Variants in ZFPM2 observed in about 807,000 individuals in gnomAD.
The protein encoded by ZFPM2 is zinc finger protein ZFPM2.
Under a neutral mutation model 98.6 loss-of-function variants are expected in ZFPM2, and 20 were observed. The ratio of observed to expected loss-of-function variants is 0.20; its 90% CI spans 0.14 to 0.29. The LOEUF (loss-of-function observed/expected upper bound fraction) is 0.29, where lower values mean the gene tolerates loss of function less well. Ranked by LOEUF, ZFPM2 falls within the 10% of genes least tolerant of loss-of-function variation. ZFPM2 has a pLI of 1.00. For missense variants in ZFPM2, 1,310 were observed against 1,388.6 expected (o/e 0.94, Z 0.90); for synonymous variants, 518 against 502.7 (o/e 1.03, Z -0.41).
At chr8:105,554,887 C>T (rs1334124942) in intron 3 of ZFPM2, among the ~76,000 whole-genome samples, 2 of 152,040 alleles carry the variant, frequency 1.3e-5, no homozygotes, top group Non-Finnish European at 2.9e-5. Flanking sequence ...CCTTTGCTTT[C>T]TAAAGAGGCA....
chr8:105,422,323 G>C (rs1247935813), intron 2 of ZFPM2, among the ~76,000 whole-genome samples: 1 of 152,014 alleles, frequency 6.6e-6, no homozygotes, highest in Non-Finnish European at 1.5e-5. Context: ...TGTAGTCCCA[G>C]CTACTCGGGA....
At chr8:105,443,234 G>T (rs538626910) in intron 2 of ZFPM2, among the ~76,000 whole-genome samples, 1 of 150,944 alleles carries the variant, frequency 6.6e-6, no homozygotes, top group Admixed American at 6.6e-5. Flanking sequence ...GCTTGAACCT[G>T]AGAGGTGGAG....
intron 3 of ZFPM2, among the ~76,000 whole-genome samples, chr8:105,484,340 T>G (rs1185691850): frequency 6.6e-6 from 1 of 152,084 alleles, no homozygotes; most frequent in Non-Finnish European, 1.5e-5. Flanking sequence ...TTTAGTTAAT[T>G]AGTTAAGTCT....
chr8:105,496,359 C>T (rs1813467367), intron 3 of ZFPM2, among the ~76,000 whole-genome samples: 2 of 152,048 alleles, frequency 1.3e-5, no homozygotes, highest in African/African-American at 4.8e-5. Context: ...CAATCTATAA[C>T]AGTTCCTCAA....
chr8:105,434,594 CAT>C (rs1812084461), intron 2 of ZFPM2, among the ~76,000 whole-genome samples: 1 of 152,172 alleles, frequency 6.6e-6, no homozygotes, highest in Non-Finnish European at 1.5e-5. Flanking sequence ...ACCTGGAAAA[CAT>C]ATGTGATATC....
At chr8:105,468,761 C>G (rs1183248135) in intron 3 of ZFPM2, among the ~76,000 whole-genome samples, 1 of 152,212 alleles carries the variant, frequency 6.6e-6, no homozygotes, top group Admixed American at 6.5e-5. Context: ...GCAATCCTCT[C>G]AACAATCTAA....
chr8:105,455,974 A>G (rs1812581536), intron 3 of ZFPM2, among the ~76,000 whole-genome samples: 1 of 152,054 alleles, frequency 6.6e-6, no homozygotes, highest in Admixed American at 6.6e-5. Flanking sequence ...TCTTGGGAGA[A>G]GATGAAATTG....
chr8:105,393,335 TG>T (rs1305952024), intron 1 of ZFPM2, among the ~76,000 whole-genome samples: 6 of 126,174 alleles, frequency 4.8e-5, no homozygotes, highest in East Asian at 2.2e-4. Flanking sequence ...TCTCTCTCTT[TG>T]CCTTTCTTTC....
chr8:105,439,381 G>A (rs1812191584), intron 2 of ZFPM2, among the ~76,000 whole-genome samples: 1 of 152,180 alleles, frequency 6.6e-6, no homozygotes, highest in South Asian at 2.1e-4. Context: ...GTTTTGGAAA[G>A]AATGCCAGAC....
chr8:105,627,695 T>G (rs2197131), intron 4 of ZFPM2, among the ~76,000 whole-genome samples: 30,835 of 152,132 alleles, frequency 0.2, 3,163 homozygotes, highest in South Asian at 0.26. Flanking sequence ...GACCACTGTG[T>G]TTGCCAGTCC....
intron 3 of ZFPM2, among the ~76,000 whole-genome samples, chr8:105,456,510 A>C (rs1812596111): frequency 6.6e-6 from 1 of 152,118 alleles, no homozygotes; most frequent in African/African-American, 2.4e-5. Context: ...ATTCATTATC[A>C]TTTACCTCTT....
chr8:105,716,289 C>T (rs1480151809), intron 5 of ZFPM2, among the ~76,000 whole-genome samples: 1 of 150,788 alleles, frequency 6.6e-6, no homozygotes, highest in Non-Finnish European at 1.5e-5. Context: ...AAAATCAGTA[C>T]AGTAATACTG....
chr8:105,716,737 G>T (rs1233068805), intron 5 of ZFPM2, among the ~76,000 whole-genome samples: 1 of 151,920 alleles, frequency 6.6e-6, no homozygotes, highest in African/African-American at 2.4e-5. Flanking sequence ...GAGTCTAAAA[G>T]AATCAGAGTG....
chr8:105,629,466 G>A (rs575241002), intron 4 of ZFPM2, among the ~76,000 whole-genome samples: 2 of 152,306 alleles, frequency 1.3e-5, no homozygotes, highest in African/African-American at 2.4e-5. Context: ...ATCAATAAAT[G>A]TGGATATCTT....
chr8:105,481,135 G>A (rs75902857), intron 3 of ZFPM2, among the ~76,000 whole-genome samples: 2,449 of 152,152 alleles, frequency 0.016, 61 homozygotes, highest in African/African-American at 0.056. Context: ...AGGAGAACAT[G>A]TTACATCATA....
chr8:105,667,040 AAC>A (rs1422713977), intron 5 of ZFPM2, among the ~76,000 whole-genome samples: 3 of 152,192 alleles, frequency 2.0e-5, no homozygotes, highest in Non-Finnish European at 4.4e-5. Context: ...TTTTTCATAG[AAC>A]ACAGTTTTTA....
intron 3 of ZFPM2, among the ~76,000 whole-genome samples, chr8:105,534,433 T>TTCTTCCTTCCTC (rs1293243419): frequency 6.7e-6 from 1 of 148,358 alleles, no homozygotes; most frequent in African/African-American, 2.5e-5. Context: ...CTTCCTCCTT[T>TTCTTCCTTCCTC]TCTTCCTTCC....
chr8:105,351,437 G>A (rs1280793802), intron 1 of ZFPM2, among the ~76,000 whole-genome samples: 5 of 151,508 alleles, frequency 3.3e-5, no homozygotes, highest in Admixed American at 3.3e-4. Context: ...TGAATTCTGG[G>A]ATGTGGAAAC....
intron 6 of ZFPM2, among the ~76,000 whole-genome samples, chr8:105,789,461 C>T (rs1352512391): frequency 6.6e-6 from 1 of 152,200 alleles, no homozygotes; most frequent in East Asian, 1.9e-4. Context: ...ATATGTGCCA[C>T]ATTTTCTTAA....
Sources: gnomAD v4.1 joint callset for allele counts (sites outside exome capture counted in the v4.1 genomes callset) on GRCh38, gnomAD v4.1.1 for gene constraint, MANE v1.5 for transcripts, NCBI Gene and HGNC (gene_info 2026-07-23, HGNC 2026-07-21) for gene names.